PLCB1: variants seen among roughly 807,000 people sequenced by gnomAD.
The protein encoded by PLCB1 is 1-phosphatidylinositol 4,5-bisphosphate phosphodiesterase beta-1.
Under a neutral mutation model 161.8 loss-of-function variants are expected in PLCB1, and 46 were observed. The ratio of observed to expected loss-of-function variants is 0.28; its 90% CI spans 0.22 to 0.36. The LOEUF (loss-of-function observed/expected upper bound fraction) is 0.36, where lower values mean the gene tolerates loss of function less well. PLCB1 is among the 10% of genes least tolerant of loss of function. The pLI is 1.00. For synonymous variants in PLCB1, 517 were observed against 503.7 expected, an observed-to-expected ratio of 1.03 and a Z score of -0.35; for missense variants, 1,016 against 1,472.5, an observed-to-expected ratio of 0.69 and a Z score of 5.07.
intron 3 of PLCB1, among the ~76,000 whole-genome samples, chr20:8,498,715 C>T (rs1983281970): frequency 6.6e-6 from 1 of 152,170 alleles, no homozygotes; most frequent in African/African-American, 2.4e-5. Context: ...CTTAAGACAA[C>T]TCTTTGTTTA....
Position 8,371,423 on chromosome 20 carries a change from A to AT in PLCB1, c.220dup (p.Cys74LeufsTer15), listed in dbSNP as rs767597843. On this transcript the variant is annotated frameshift_variant, in exon 3 of 32. Transcript: ENST00000338037. LOFTEE classifies it high-confidence loss of function. ...ATCTCAGCCTTGTCAAAGATGCCAG[A>AT]TGTGGGAGACACGCCAAAGCTCCCA... The AT allele has an allele frequency of 6.2e-7, 1 of 1,613,844 alleles. No individual in the cohort carries two copies. The highest frequency in any genetic ancestry group is 8.5e-7 in the Non-Finnish European group (1 of 1,179,808).
chr20:8,671,592 T>C (rs1352667773), intron 9 of PLCB1, among the ~76,000 whole-genome samples: 5 of 152,220 alleles, frequency 3.3e-5, no homozygotes, highest in Non-Finnish European at 5.9e-5. Context: ...TCAGCTTCTT[T>C]ACACAGAAAG....
chr20:8,325,993 A>G (rs1985137663), intron 2 of PLCB1, among the ~76,000 whole-genome samples: 2 of 152,222 alleles, frequency 1.3e-5, no homozygotes, highest in South Asian at 2.1e-4. Context: ...GAAAATCTGT[A>G]TGAAGCTACA....
intron 2 of PLCB1, among the ~76,000 whole-genome samples, chr20:8,166,903 C>T (rs936506944): frequency 2.6e-5 from 4 of 152,166 alleles, no homozygotes; most frequent in Admixed American, 2.6e-4. Flanking sequence ...CCTGCTTCAC[C>T]ACACTTCTCA....
chr20:8,801,043 C>T (rs551942549), intron 31 of PLCB1, among the ~76,000 whole-genome samples: 21 of 152,310 alleles, frequency 1.4e-4, no homozygotes, highest in African/African-American at 5.1e-4. Context: ...GGTCACTCCT[C>T]TGTTGAAGAC....
chr20:8,384,944 G>A (rs1201462761), intron 3 of PLCB1, among the ~76,000 whole-genome samples: 1 of 152,162 alleles, frequency 6.6e-6, no homozygotes, highest in Non-Finnish European at 1.5e-5. Flanking sequence ...CCAACCTGAT[G>A]CGAGTAGGAT....
chr20:8,416,575 G>A (rs2662985), intron 3 of PLCB1, among the ~76,000 whole-genome samples: 43,826 of 151,894 alleles, frequency 0.29, 8,404 homozygotes, highest in African/African-American at 0.54. Context: ...AAGTAAGTTT[G>A]CAAGGGAGCA....
intron 3 of PLCB1, among the ~76,000 whole-genome samples, chr20:8,429,368 A>G (rs1425126035): frequency 6.6e-6 from 1 of 152,248 alleles, no homozygotes; most frequent in Non-Finnish European, 1.5e-5. Context: ...CATAGATTTC[A>G]GTGCCATTGG....
intron 23 of PLCB1, chr20:8,750,672 G>T (rs1385272655): frequency 5.3e-6 from 2 of 378,080 alleles, no homozygotes; most frequent in Non-Finnish European, 1.0e-5. Context: ...ATATGAGGCA[G>T]ATACATTATC....
intron 3 of PLCB1, among the ~76,000 whole-genome samples, chr20:8,538,010 A>G (rs944775340): frequency 7.9e-5 from 12 of 152,332 alleles, no homozygotes; most frequent in Admixed American, 2.0e-4. Flanking sequence ...CACCTGAATC[A>G]TCAACAAATT....
chr20:8,316,555 TG>T (rs2122142269), intron 2 of PLCB1, among the ~76,000 whole-genome samples: 1 of 152,292 alleles, frequency 6.6e-6, no homozygotes, highest in African/African-American at 2.4e-5. Flanking sequence ...GAGACTTCTA[TG>T]GCAACTGTAA....
At chr20:8,230,673 T>C (rs1979981383) in intron 2 of PLCB1, among the ~76,000 whole-genome samples, 1 of 152,142 alleles carries the variant, frequency 6.6e-6, no homozygotes, top group Admixed American at 6.5e-5. Flanking sequence ...AAACTTAAAG[T>C]TTAAAAATCA....
At chr20:8,283,095 C>G (rs1478819262) in intron 2 of PLCB1, among the ~76,000 whole-genome samples, 2 of 152,122 alleles carry the variant, frequency 1.3e-5, no homozygotes, top group Admixed American at 6.6e-5. Context: ...CAGTCACCTT[C>G]CAGTAAGAAG....
intron 3 of PLCB1, among the ~76,000 whole-genome samples, chr20:8,394,454 G>T (rs1650718530): frequency 1.3e-5 from 2 of 152,108 alleles, no homozygotes; most frequent in South Asian, 4.1e-4. Context: ...TGACTTTTAT[G>T]CCCTGAAAGT....
At chr20:8,616,538 T>G (rs983798396) in intron 3 of PLCB1, among the ~76,000 whole-genome samples, 2 of 152,190 alleles carry the variant, frequency 1.3e-5, no homozygotes, top group African/African-American at 4.8e-5. Context: ...GCCCGTTTCC[T>G]TGCCAGAATG....
chr20:8,813,246 T>C (rs1984919163), intron 31 of PLCB1, among the ~76,000 whole-genome samples: 1 of 152,194 alleles, frequency 6.6e-6, no homozygotes, highest in African/African-American at 2.4e-5. Flanking sequence ...CTCTACCAAG[T>C]CTACTCACTC....
chr20:8,514,489 A>T (rs1404954003), intron 3 of PLCB1, among the ~76,000 whole-genome samples: 1 of 147,528 alleles, frequency 6.8e-6, no homozygotes, highest in East Asian at 2.1e-4. Context: ...CCTGGGCAAC[A>T]TGGCAAAACT....
chr20:8,453,667 G>A (rs529971067), intron 3 of PLCB1, among the ~76,000 whole-genome samples: 24 of 152,288 alleles, frequency 1.6e-4, no homozygotes, highest in Non-Finnish European at 2.6e-4. Flanking sequence ...TAAGGGGAGA[G>A]AGAGAGAGGA....
chr20:8,728,236 A>T (rs1980045329), intron 17 of PLCB1, among the ~76,000 whole-genome samples: 1 of 152,122 alleles, frequency 6.6e-6, no homozygotes, highest in Admixed American at 6.6e-5. Context: ...AGTCACAGAA[A>T]GACAAAATAA....
Sources: allele counts gnomAD v4.1 joint callset (sites outside exome capture counted in the v4.1 genomes callset), GRCh38; gene constraint gnomAD v4.1.1; transcripts MANE v1.5; gene names NCBI Gene and HGNC (gene_info 2026-07-23, HGNC 2026-07-21).